IFIT1: variants seen among roughly 807,000 people sequenced by gnomAD.
IFIT1 encodes interferon induced protein with tetratricopeptide repeats 1.
A neutral mutation model predicts 2.5 loss-of-function variants in IFIT1; 1 was observed. The ratio of observed to expected loss-of-function variants is 0.40; its 90% CI spans 0.14 to 1.92. The LOEUF (loss-of-function observed/expected upper bound fraction) is 1.92. Among genes scored for constraint, IFIT1 ranks in the 40% most tolerant of loss-of-function variants. The probability of loss-of-function intolerance (pLI) is 0.31; values close to 1 mark genes in which losing one functional copy is unlikely to be tolerated. For missense variants in IFIT1, 508 were observed against 557.8 expected, an observed-to-expected ratio of 0.91 and a Z score of 0.90; for synonymous variants, 191 against 201.7, an observed-to-expected ratio of 0.95 and a Z score of 0.45.
rs191611262 is a variant in IFIT1 at position 89,395,320 on chromosome 10, G to A, written c.5+2603G>A. Among the ~76,000 whole-genome samples, 15 of 152,120 alleles carry A rather than the reference G, an allele frequency of 9.9e-5. No homozygotes were observed. The South Asian group carries it at 1.9e-3, about 19-fold the overall frequency. On this transcript the variant is annotated intron_variant, in intron 1 of 1. Coordinates refer to ENST00000371804, the MANE Select transcript of IFIT1 (RefSeq NM_001548.5). ...TCCACAGGAAACCCACCTAGGTAACGCCCTGGCCTCCCATAAAGGCTTGGG... is the reference window on the plus strand; with the variant it reads ...TCCACAGGAAACCCACCTAGGTAACACCCTGGCCTCCCATAAAGGCTTGGG...
Position 89,402,284 on chromosome 10 carries a change from A to C in IFIT1, c.9A>C (p.Thr3=), listed in dbSNP as rs1844437667. MS[T]NGDDHQVKDS... is the part of the protein sequence containing the mutation. ...AAATCTGTTTTTGTTTTTACAGTACAAATGGTGATGATCATCAGGTCAAGG... is the reference window on the plus strand; with the variant it reads ...AAATCTGTTTTTGTTTTTACAGTACCAATGGTGATGATCATCAGGTCAAGG... The change falls in exon 2 of 2, where the codon ACA becomes ACC. Residue 3 remains threonine (T), a synonymous_variant. Transcript: ENST00000371804. The C allele has an allele frequency of 1.2e-6, 2 of 1,603,486 alleles. No individual in the cohort carries two copies. Among genetic ancestry groups the C allele is most frequent in the Non-Finnish European group, 1.7e-6 (2 of 1,173,772 alleles).
intron 1 of IFIT1, chr10:89,393,222 C>T: frequency 7.8e-7 from 1 of 1,289,842 alleles, no homozygotes; most frequent in Non-Finnish European, 1.0e-6. Flanking sequence ...AGCTCACAGC[C>T]TTCCTCCATA....
Position 89,402,591 on chromosome 10 carries a change from T to C in IFIT1, c.316T>C (p.Tyr106His). The stretch of plus-strand genomic sequence containing the variant: ...CTGGGGCAACTTTGCCTGGATGTAT[T>C]ACCACATGGGCAGACTGGCAGAAGC... ...VTWGNFAWMY[Y>H]HMGRLAEAQT... is the part of the protein sequence containing the mutation. The change falls in exon 2 of 2, where the codon TAC becomes CAC. Residue 106 changes from tyrosine to histidine, a missense_variant. Physicochemically the swap from Tyr to His is moderately conservative, Grantham distance 83. Coordinates refer to ENST00000371804, the MANE Select transcript of IFIT1 (RefSeq NM_001548.5). 2.5e-6 allele frequency: 4 copies of C among 1,614,214 alleles called. No homozygotes were observed. The highest frequency in any genetic ancestry group is 3.4e-6 in the Non-Finnish European group (4 of 1,180,036).
In IFIT1 at chr10:89,402,399, C is replaced by A. The variant is rs775028083; in HGVS notation, c.124C>A (p.Gln42Lys). The change falls in exon 2 of 2, where the codon CAG becomes AAG. Residue 42 changes from glutamine to lysine, a missense_variant. Physicochemically the swap from Gln to Lys is moderately conservative, Grantham distance 53. Coordinates refer to ENST00000371804, the MANE Select transcript of IFIT1 (RefSeq NM_001548.5). ...TGATTTAGAAAACAGAGTCTTGGAT[C>A]AGATTGAATTCCTAGACACCAAATA... ...MPDLENRVLD[Q>K]IEFLDTKYSV... The A allele has an allele frequency of 2.9e-5, 47 of 1,613,872 alleles. No homozygotes were observed. The highest frequency in any genetic ancestry group is 3.8e-5 in the Non-Finnish European group (45 of 1,179,892).
chr10:89,402,404 T>C lies in IFIT1; in HGVS notation c.129T>C (p.Ile43=), dbSNP rs1054895473. The change falls in exon 2 of 2, where the codon ATT becomes ATC. Residue 43 remains isoleucine (I), a synonymous_variant. Transcript: ENST00000371804. The part of the protein sequence containing the change: ...PDLENRVLDQ[I]EFLDTKYSVG... ...TAGAAAACAGAGTCTTGGATCAGAT[T>C]GAATTCCTAGACACCAAATACAGTG... is the stretch of plus-strand genomic sequence containing the variant. 3.7e-6 allele frequency: 6 copies of C among 1,614,112 alleles called. No homozygotes were observed. In the African/African-American group the frequency reaches 6.7e-5, roughly 18 times the overall value.
At chr10:89,401,641 A>G (rs1295994975) in intron 1 of IFIT1, among the ~76,000 whole-genome samples, 3 of 152,174 alleles carry the variant, frequency 2.0e-5, no homozygotes, top group African/African-American at 7.2e-5. Flanking sequence ...GCATTGTTGT[A>G]CCAATGTCAA....
In IFIT1 at chr10:89,402,832, A is replaced by G. The variant is rs1459705717; in HGVS notation, c.557A>G (p.Tyr186Cys). The change falls in exon 2 of 2, where the codon TAT (tyrosine) becomes TGT (cysteine). Residue 186 changes from tyrosine to cysteine, a missense_variant. Coordinates refer to ENST00000371804, the MANE Select transcript of IFIT1 (RefSeq NM_001548.5). ...ESSAGYAISA[Y>C]RLDGFKLATK... ...AGCGCTGGGTATGCGATCTCTGCCT[A>G]TCGCCTGGATGGCTTTAAATTAGCC... is the stretch of plus-strand genomic sequence containing the variant. 17 of 1,614,068 alleles carry G rather than the reference A, an allele frequency of 1.1e-5. No homozygotes were observed. Among genetic ancestry groups the G allele is most frequent in the Admixed American group, 3.3e-5 (2 of 60,004 alleles).
In IFIT1 at chr10:89,397,787, T is replaced by C. The variant is rs543623282; in HGVS notation, c.6-4494T>C. On this transcript the variant is annotated intron_variant, in intron 1 of 1. Transcript: ENST00000371804. ...ACTATACCAATTTACAAAAACACTT[T>C]GTATATTACAGATGAGAGTCTTCTC... 6.6e-5 allele frequency among the ~76,000 whole-genome samples: 10 copies of C among 152,364 alleles called. No individual in the cohort carries two copies. The East Asian group carries it at 1.9e-3, about 29-fold the overall frequency.
At chr10:89,394,986 CT>C (rs1564807916) in intron 1 of IFIT1, among the ~76,000 whole-genome samples, 1 of 152,106 alleles carries the variant, frequency 6.6e-6, no homozygotes, top group Non-Finnish European at 1.5e-5. Context: ...CTAAGCATCC[CT>C]TTTTGAATAT....
rs1336389719 is a variant in IFIT1 at position 89,403,651 on chromosome 10, A to G, written c.1376A>G (p.Tyr459Cys). The change falls in exon 2 of 2, where the codon TAC (tyrosine) becomes TGC (cysteine). Residue 459 changes from tyrosine (Y) to cysteine (C), a missense_variant. By Grantham distance (194) the Tyr-to-Cys change is radical. Transcript: ENST00000371804. ...GGAAATATGAATGAAGCCCTGGAGT[A>G]CTATGAGCGGGCCCTGAGACTGGCT... ...LEGNMNEALE[Y>C]YERALRLAAD... 2.5e-6 allele frequency: 4 copies of G among 1,613,040 alleles called. No homozygotes were observed. The Admixed American group carries it at 5.0e-5, about 20-fold the overall frequency.
intron 1 of IFIT1, chr10:89,393,231 T>C (rs1433120694): frequency 2.3e-6 from 3 of 1,289,804 alleles, no homozygotes; most frequent in Admixed American, 2.3e-5. Context: ...CCTTCCTCCA[T>C]AGGCTTCTGG....
rs567161777 is a variant in IFIT1 at position 89,394,020 on chromosome 10, T to C, written c.5+1303T>C. Among the ~76,000 whole-genome samples the C allele has an allele frequency of 2.2e-4, 34 of 152,324 alleles. 2 individuals carry two copies. Among genetic ancestry groups the C allele is most frequent in the Middle Eastern group, 3.4e-3 (1 of 294 alleles). ...CCATTTAATTCTCAAAAGATACTTATAAGGCAGGTACTTACACAGTCATGC... is the reference window on the plus strand; with the variant it reads ...CCATTTAATTCTCAAAAGATACTTACAAGGCAGGTACTTACACAGTCATGC... On this transcript the variant is annotated intron_variant, in intron 1 of 1. Transcript: ENST00000371804.
chr10:89,393,372 T>A (rs573337823), intron 1 of IFIT1: 277 of 1,093,444 alleles, frequency 2.5e-4, no homozygotes, highest in Non-Finnish European at 3.0e-4. Flanking sequence ...GATCCACATC[T>A]GCTTGGGAAG....
At chr10:89,400,708 C>A (rs189616762) in intron 1 of IFIT1, among the ~76,000 whole-genome samples, 1 of 152,272 alleles carries the variant, frequency 6.6e-6, no homozygotes, top group Non-Finnish European at 1.5e-5. Context: ...CATTTGTGAA[C>A]AGAGATAATC....
intron 1 of IFIT1, among the ~76,000 whole-genome samples, chr10:89,399,586 A>G (rs1214141499): frequency 7.1e-6 from 1 of 140,000 alleles, no homozygotes; most frequent in Non-Finnish European, 1.5e-5. Flanking sequence ...ACCCTTTTTC[A>G]TCATATATCC....
At chr10:89,393,761 C>T (rs937861075) in intron 1 of IFIT1, among the ~76,000 whole-genome samples, 1 of 152,136 alleles carries the variant, frequency 6.6e-6, no homozygotes, top group African/African-American at 2.4e-5. Context: ...AAATCCATTA[C>T]TTAATACTGA....
intron 1 of IFIT1, among the ~76,000 whole-genome samples, chr10:89,395,282 C>A (rs1844325140): frequency 6.6e-6 from 1 of 151,340 alleles, no homozygotes; most frequent in South Asian, 2.1e-4. Context: ...TCTAAACCCA[C>A]CAAATAGAAC....
Position 89,404,678 on chromosome 10 carries a change from G to C in IFIT1, c.*966G>C, listed in dbSNP as rs1375228082. 1 of 152,312 alleles carries C rather than the reference G, an allele frequency of 6.6e-6. No individual in the cohort carries two copies. The highest frequency in any genetic ancestry group is 2.4e-5 in the African/African-American group (1 of 41,466). The allele number at this position is 152,312 out of a possible 1,614,324, so 9.4% of individuals were successfully genotyped here. The stretch of plus-strand genomic sequence containing the variant: ...CAGGCTGCAGGTTGCAGGAGAGGAG[G>C]CTGCAGTGGCTCACGCCTGTAATCT... On this transcript the variant is annotated 3_prime_UTR_variant, in exon 2 of 2. Coordinates refer to ENST00000371804, the MANE Select transcript of IFIT1 (RefSeq NM_001548.5).
At position 89,393,345 on chromosome 10, in the gene IFIT1, C is replaced by A. The variant is rs540222469; in HGVS notation, c.5+628C>A. ...CCCTGGAAAATCTAGGCTCTTGGTA[C>A]GTCCTTGACTGAAGATGATCCACAT... On this transcript the variant is annotated intron_variant, in intron 1 of 1. Transcript: ENST00000371804. 33 of 1,238,338 alleles carry A rather than the reference C, an allele frequency of 2.7e-5. No individual in the cohort carries two copies. In the South Asian group the frequency reaches 4.0e-4, roughly 15 times the overall value. The allele number at this position is 1,238,338 out of a possible 1,614,324, so 76.7% of individuals were successfully genotyped here.
Sources: allele counts gnomAD v4.1 joint callset (sites outside exome capture counted in the v4.1 genomes callset), GRCh38; gene constraint gnomAD v4.1.1; transcripts MANE v1.5; gene names NCBI Gene and HGNC (gene_info 2026-07-23, HGNC 2026-07-21).